The following TTC7A variants were observed in gnomAD, a reference collection of about 807,000 sequenced individuals.
TTC7A encodes the protein tetratricopeptide repeat protein 7A.
A neutral mutation model predicts 103.7 loss-of-function variants in TTC7A; 110 were observed. The observed-to-expected ratio is 1.06, with a 90% confidence interval of 0.91 to 1.24. The LOEUF is 1.24. Ranked by LOEUF, TTC7A falls within the 50% of genes most tolerant of loss-of-function variation. TTC7A has a pLI of 0.00. For missense variants in TTC7A, 1,340 were observed against 1,116.3 expected (o/e 1.20, Z -2.86); for synonymous variants, 521 against 467.9 (o/e 1.11, Z -1.47).
chr2:47,022,865 C>G (rs1679449119), intron 12 of TTC7A, among the ~76,000 whole-genome samples: 1 of 152,226 alleles, frequency 6.6e-6, no homozygotes, highest in African/African-American at 2.4e-5. Context: ...GGAGCTCTGA[C>G]AACTGTCAAT....
chr2:46,916,630 TTTTTG>T (rs530169962), intron 1 of TTC7A: 21 of 157,174 alleles, frequency 1.3e-4, no homozygotes, highest in African/African-American at 1.9e-4. Flanking sequence ...TCGTTTTGTT[TTTTTG>T]TTTTGTTTTG....
intron 15 of TTC7A, among the ~76,000 whole-genome samples, chr2:47,030,163 G>T (rs920518099): frequency 1.3e-5 from 2 of 152,210 alleles, no homozygotes; most frequent in Non-Finnish European, 2.9e-5. Context: ...CCACCTTAGG[G>T]TCTGAAGGAA....
intron 4 of TTC7A, among the ~76,000 whole-genome samples, chr2:46,976,091 G>A (rs1416558002): frequency 6.6e-6 from 1 of 151,858 alleles, no homozygotes; most frequent in Non-Finnish European, 1.5e-5. Flanking sequence ...TTGGTTCAAT[G>A]CTAAGGGGAC....
chr2:47,064,882 T>G (rs1684062701), intron 19 of TTC7A, among the ~76,000 whole-genome samples: 1 of 152,180 alleles, frequency 6.6e-6, no homozygotes, highest in Non-Finnish European at 1.5e-5. Flanking sequence ...AGTTCTTAGC[T>G]GGGACCTTGG....
intron 5 of TTC7A, among the ~76,000 whole-genome samples, chr2:46,991,645 A>G (rs763972478): frequency 9.8e-5 from 15 of 152,340 alleles, no homozygotes; most frequent in East Asian, 1.9e-4. Context: ...AAAGTACGAC[A>G]TAAATAATAA....
At chr2:46,951,639 G>A (rs1170739817) in intron 2 of TTC7A, 8 of 456,054 alleles carry the variant, frequency 1.8e-5, no homozygotes, top group Admixed American at 1.6e-4. Flanking sequence ...TCCAACTCCT[G>A]GGCTCAAGCG....
Position 47,024,355 on chromosome 2 carries a change from G to A in TTC7A, c.1637G>A (p.Arg546Gln), listed in dbSNP as rs180673878. Residue 546 changes from arginine to glutamine, a missense_variant, in exon 14 of 20, where the codon CGA becomes CAA. Coordinates refer to ENST00000319190, the MANE Select transcript of TTC7A (RefSeq NM_020458.4). ...GTCTCGCTGCAGCTGGCCCTCGTCCGACAGGTGGGTTGTCCGTGTTCCTAA... is the reference window on the plus strand; with the variant it reads ...GTCTCGCTGCAGCTGGCCCTCGTCCAACAGGTGGGTTGTCCGTGTTCCTAA... ...LYVSLQLALV[R>Q]QISSAMEQLQ... is the part of the protein sequence containing the mutation. 3.3e-5 allele frequency: 53 copies of A among 1,605,070 alleles called. No homozygotes were observed. Among genetic ancestry groups the A allele is most frequent in the Non-Finnish European group, 3.6e-5 (42 of 1,176,022 alleles).
chr2:47,039,605 C>T (rs1681518283), intron 15 of TTC7A, among the ~76,000 whole-genome samples: 1 of 152,260 alleles, frequency 6.6e-6, no homozygotes, highest in African/African-American at 2.4e-5. Flanking sequence ...TGAGGAGTCT[C>T]ACCCTAAGAG....
chr2:47,020,996 T>C (rs1679222409), intron 11 of TTC7A, among the ~76,000 whole-genome samples: 1 of 152,258 alleles, frequency 6.6e-6, no homozygotes, highest in Non-Finnish European at 1.5e-5. Flanking sequence ...GGGGCTTTGA[T>C]GTCTGGGTGG....
intron 10 of TTC7A, among the ~76,000 whole-genome samples, chr2:47,010,022 G>C (rs1677871033): frequency 6.6e-6 from 1 of 152,036 alleles, no homozygotes; most frequent in Non-Finnish European, 1.5e-5. Context: ...TCAAACCTCA[G>C]CTCAGCCATT....
At chr2:47,053,230 A>G (rs1683017196) in intron 18 of TTC7A, among the ~76,000 whole-genome samples, 1 of 152,182 alleles carries the variant, frequency 6.6e-6, no homozygotes, top group African/African-American at 2.4e-5. Context: ...AAGTAGGAAG[A>G]GGGATGTTGA....
intron 4 of TTC7A, chr2:46,978,150 G>T (rs1382251317): frequency 6.6e-6 from 1 of 152,558 alleles, no homozygotes; most frequent in Admixed American, 6.5e-5. Flanking sequence ...TGCGTGAAGC[G>T]GTCTCTCTAC....
chr2:47,013,083 A>G (rs72872940), intron 11 of TTC7A, among the ~76,000 whole-genome samples: 12,947 of 152,184 alleles, frequency 0.085, 666 homozygotes, highest in South Asian at 0.14. Context: ...GTAAAATGGA[A>G]ACAGTAAGTC....
At chr2:47,018,133 C>T (rs1209721497) in intron 11 of TTC7A, among the ~76,000 whole-genome samples, 9 of 150,428 alleles carry the variant, frequency 6.0e-5, no homozygotes, top group Non-Finnish European at 8.8e-5. Context: ...AAAAATTAGC[C>T]GGGCATGGTG....
chr2:46,990,921 GGTTT>G (rs1343214234), intron 5 of TTC7A, among the ~76,000 whole-genome samples: 1 of 152,244 alleles, frequency 6.6e-6, no homozygotes, highest in African/African-American at 2.4e-5. Flanking sequence ...TTGGTTGGTT[GGTTT>G]GTTTTGAGAT....
At chr2:47,072,227 C>T (rs562098875) in intron 19 of TTC7A, among the ~76,000 whole-genome samples, 80 of 152,330 alleles carry the variant, frequency 5.3e-4, no homozygotes, top group Admixed American at 1.2e-3. Context: ...CTGCCTGAGG[C>T]TCCACCCCGC....
intron 14 of TTC7A, among the ~76,000 whole-genome samples, chr2:47,025,294 T>C (rs910403972): frequency 4.6e-5 from 7 of 152,170 alleles, no homozygotes; most frequent in Non-Finnish European, 1.0e-4. Flanking sequence ...AGCAGTCCCA[T>C]TTTTTACCGG....
Position 47,059,287 on chromosome 2 carries a change from C to T in TTC7A, c.2153-1482C>T, listed in dbSNP as rs146789645. Among the ~76,000 whole-genome samples, 374 of 152,156 alleles carry T rather than the reference C, an allele frequency of 2.5e-3. 1 individual carries two copies. The highest frequency in any genetic ancestry group is 8.1e-3 in the African/African-American group (338 of 41,516). On this transcript the variant is annotated intron_variant, in intron 18 of 19. Transcript: ENST00000319190. ...CTACCCGCCTTGGCCTCCCAAAGTGCTGGGACTACAGGCGTGAGCCTGTAG... is the reference window on the plus strand; with the variant it reads ...CTACCCGCCTTGGCCTCCCAAAGTGTTGGGACTACAGGCGTGAGCCTGTAG...
At chr2:47,008,598 G>A (rs980718238) in intron 10 of TTC7A, among the ~76,000 whole-genome samples, 1 of 152,174 alleles carries the variant, frequency 6.6e-6, no homozygotes, top group Non-Finnish European at 1.5e-5. Context: ...CTGTGTGTTC[G>A]GTGCAGCAGG....
Sources: gnomAD v4.1 joint callset for allele counts (sites outside exome capture counted in the v4.1 genomes callset) on GRCh38, gnomAD v4.1.1 for gene constraint, MANE v1.5 for transcripts, NCBI Gene and HGNC (gene_info 2026-07-23, HGNC 2026-07-21) for gene names.